TMEM168: variants seen among roughly 807,000 people sequenced by gnomAD.
The protein encoded by TMEM168 is transmembrane protein 168.
In TMEM168, 40 loss-of-function variants were observed where a neutral mutation model predicts 53.2. The observed-to-expected ratio is 0.75, with a 90% CI of 0.58 to 0.98. The LOEUF (loss-of-function observed/expected upper bound fraction) is 0.98, where lower values mean the gene tolerates loss of function less well. Ranked by LOEUF, TMEM168 falls within the 50% of genes least tolerant of loss-of-function variation. The pLI is 0.00. For synonymous variants in TMEM168, 282 were observed against 293.0 expected, an observed-to-expected ratio of 0.96 and a Z score of 0.38; for missense variants, 771 against 828.8, an observed-to-expected ratio of 0.93 and a Z score of 0.86.
chr7:112,769,559 A>T (rs1792877825), intron 4 of TMEM168, among the ~76,000 whole-genome samples: 1 of 152,152 alleles, frequency 6.6e-6, no homozygotes. Context: ...GATATCAACG[A>T]GACCTAAAGC....
chr7:112,785,498 A>G (rs1793354194), intron 1 of TMEM168, among the ~76,000 whole-genome samples: 1 of 152,204 alleles, frequency 6.6e-6, no homozygotes, highest in Admixed American at 6.5e-5. Flanking sequence ...TACTAGAATT[A>G]AAGTATTAAA....
chr7:112,781,960 C>A (rs1793243965), intron 2 of TMEM168, among the ~76,000 whole-genome samples: 1 of 152,140 alleles, frequency 6.6e-6, no homozygotes. Flanking sequence ...ACAGAAGCCA[C>A]AGACTGGGAG....
intron 2 of TMEM168, among the ~76,000 whole-genome samples, chr7:112,782,078 AT>A (rs1251696701): frequency 6.6e-6 from 1 of 152,256 alleles, no homozygotes. Context: ...AGATGTGAAT[AT>A]TTAAACAACA....
At chr7:112,787,895 G>A (rs1055426872) in intron 1 of TMEM168, among the ~76,000 whole-genome samples, 4 of 150,280 alleles carry the variant, frequency 2.7e-5, no homozygotes, top group South Asian at 4.2e-4. Context: ...ACCATGCCCG[G>A]CTAATTTTGT....
intron 2 of TMEM168, among the ~76,000 whole-genome samples, 195 bp downstream of exon 2, chr7:112,783,503 G>T (rs999113655): frequency 4.6e-5 from 7 of 152,296 alleles, no homozygotes; most frequent in African/African-American, 1.4e-4. Context: ...ATAACATTTT[G>T]GTACCTCTTT....
rs77145942 is a variant in TMEM168, at chr7:112,767,316, C to T, written c.1975G>A (p.Gly659Ser). The change falls in exon 5 of 5, where the codon GGT becomes AGT. Residue 659 changes from glycine to serine, a missense_variant. Coordinates refer to ENST00000312814, the MANE Select transcript of TMEM168 (RefSeq NM_022484.6). ...PLVHLANWLC[G>S]LNLFWICKTC... is the part of the protein sequence containing the mutation. ...TTGCAGATCCAAAAAAGGTTCAGAC[C>T]GCATAACCAATTTGCCAAATGCACT... 2,657 of 1,614,040 alleles carry T rather than the reference C, an allele frequency of 1.6e-3. 52 individuals carry two copies. The East Asian group carries it at 0.045, about 27-fold the overall frequency.
chr7:112,767,793 A>T, intron 4 of TMEM168, 49 bp from the exon 5 acceptor site: 5 of 1,498,742 alleles, frequency 3.3e-6, no homozygotes, highest in Non-Finnish European at 4.5e-6. Flanking sequence ...GCAGCCTCTC[A>T]TTAAGAAAAC....
At chr7:112,777,079 A>G in intron 2 of TMEM168, among the ~76,000 whole-genome samples, 1 of 152,136 alleles carries the variant, frequency 6.6e-6, no homozygotes, top group South Asian at 2.1e-4. Flanking sequence ...GGTTCTGAAC[A>G]TAGTTTCAAT....
intron 1 of TMEM168, among the ~76,000 whole-genome samples, chr7:112,789,347 A>G (rs1364301512): frequency 3.3e-5 from 5 of 152,126 alleles, no homozygotes; most frequent in Admixed American, 3.3e-4. Flanking sequence ...TCAATACTGT[A>G]CACCCAGTGA....
intron 1 of TMEM168, among the ~76,000 whole-genome samples, chr7:112,785,910 T>C (rs185377258): frequency 4.6e-4 from 70 of 152,246 alleles, no homozygotes; most frequent in African/African-American, 1.6e-3. Flanking sequence ...CAATCAGATA[T>C]TTAAAAAGAA....
At position 112,767,177 on chromosome 7, in the gene TMEM168, A is replaced by T. The variant is rs1379010418; in HGVS notation, c.*20T>A. On this transcript the variant is annotated 3_prime_UTR_variant, in exon 5 of 5. Transcript: ENST00000312814. ...ATTGGTAGTATGAGTGCTTATTAAT[A>T]TCCCGCTTTGGGGTCCAAATTAAGA... is the stretch of plus-strand genomic sequence containing the variant. 7 of 1,590,170 alleles carry T rather than the reference A, an allele frequency of 4.4e-6. No individual in the cohort carries two copies. The highest frequency in any genetic ancestry group is 6.0e-6 in the Non-Finnish European group (7 of 1,169,750).
chr7:112,762,716 CCA>C lies in TMEM168; in HGVS notation c.*4479_*4480del, dbSNP rs1792693352. 6.6e-6 allele frequency: 1 copy of C among 151,840 alleles called. No homozygotes were observed. The highest frequency in any genetic ancestry group is 1.5e-5 in the Non-Finnish European group (1 of 67,882). The allele number at this position is 151,840 out of a possible 1,614,324, so 9.4% of individuals were successfully genotyped here. ...CAAAGCAAAAAACCTTACGGGTAGC[CCA>C]CAGTTTTCAATTTTCAGTCAACTTT... On this transcript the variant is annotated 3_prime_UTR_variant, in exon 5 of 5. Transcript: ENST00000312814.
chr7:112,771,611 T>C (rs1792931971), intron 4 of TMEM168, among the ~76,000 whole-genome samples: 1 of 152,062 alleles, frequency 6.6e-6, no homozygotes, highest in Non-Finnish European at 1.5e-5. Context: ...AAAAAAATAT[T>C]TCTCCTTATG....
In TMEM168 at chr7:112,772,855, T is replaced by C; in HGVS notation, c.1472A>G (p.Asp491Gly). 6.2e-7 allele frequency: 1 copy of C among 1,614,084 alleles called. No homozygotes were observed. Among genetic ancestry groups the C allele is most frequent in the Non-Finnish European group, 8.5e-7 (1 of 1,179,956 alleles). The change falls in exon 4 of 5, where the codon GAT becomes GGT. Residue 491 changes from aspartate to glycine, a missense_variant. Transcript: ENST00000312814. ...LKAFLELRTV[D>G]GPRHDTYILY... Reference sequence around the variant, plus strand: ...AATATACGTATCATGTCTGGGTCCATCCACTGTCCGAAGTTCGAGGAAAGC... The same window carrying C: ...AATATACGTATCATGTCTGGGTCCACCCACTGTCCGAAGTTCGAGGAAAGC...
Position 112,767,616 on chromosome 7 carries a change from T to A in TMEM168, c.1675A>T (p.Ile559Phe). Residue 559 changes from isoleucine (I) to phenylalanine (F), a missense_variant, in exon 5 of 5, where the codon ATT (isoleucine) becomes TTT (phenylalanine). Coordinates refer to ENST00000312814, the MANE Select transcript of TMEM168 (RefSeq NM_022484.6). Reference sequence around the variant, plus strand: ...TGCACTGCAATATACTGGTCATTAATTTTCCTCACTTCTTTCACCCAAGGG... The same window carrying A: ...TGCACTGCAATATACTGGTCATTAAATTTCCTCACTTCTTTCACCCAAGGG... ...STPWVKEVRK[I>F]NDQYIAVQGA... is the part of the protein sequence containing the mutation. 3.7e-6 allele frequency: 6 copies of A among 1,614,108 alleles called. No individual in the cohort carries two copies. Among genetic ancestry groups the A allele is most frequent in the Non-Finnish European group, 5.1e-6 (6 of 1,180,010 alleles).
At position 112,764,941 on chromosome 7, in the gene TMEM168, C is replaced by G. The variant is rs532500223; in HGVS notation, c.*2256G>C. The stretch of plus-strand genomic sequence containing the variant: ...TCTTGTGCCTTAGCCTCCCAAGTAG[C>G]TGGGATTACAGGCACCTGCCACCAT... On this transcript the variant is annotated 3_prime_UTR_variant, in exon 5 of 5. Coordinates refer to ENST00000312814, the MANE Select transcript of TMEM168 (RefSeq NM_022484.6). 2.0e-5 allele frequency: 3 copies of G among 152,346 alleles called. No homozygotes were observed. The South Asian group carries it at 6.2e-4, about 32-fold the overall frequency. 9.4% of individuals were successfully genotyped at this position (152,346 alleles called of 1,614,324 possible).
At chr7:112,789,677 C>T (rs1340184440) in intron 1 of TMEM168, among the ~76,000 whole-genome samples, 1 of 152,224 alleles carries the variant, frequency 6.6e-6, no homozygotes, top group Non-Finnish European at 1.5e-5. Flanking sequence ...ATCTTTCACT[C>T]AGAAACTCTG....
At chr7:112,779,375 G>A (rs988340586) in intron 2 of TMEM168, among the ~76,000 whole-genome samples, 7 of 152,110 alleles carry the variant, frequency 4.6e-5, no homozygotes, top group Non-Finnish European at 7.4e-5. Flanking sequence ...GTATGTCCAG[G>A]GGAAGCCAAA....
rs1289191748 is a variant in TMEM168 at position 112,784,650 on chromosome 7, G to GT, written c.175dup (p.Thr59AsnfsTer52). 3.7e-6 allele frequency: 6 copies of GT among 1,612,068 alleles called. No homozygotes were observed. The highest frequency in any genetic ancestry group is 4.5e-5 in the East Asian group (2 of 44,858). ...AATTACCAAAATTAAGGAATTTGCT[G>GT]TTTTTTCCCATCTTACGTATAGACC... On this transcript the variant is annotated frameshift_variant, in exon 2 of 5. Coordinates refer to ENST00000312814, the MANE Select transcript of TMEM168 (RefSeq NM_022484.6). LOFTEE classifies it high-confidence loss of function.
Sources: allele counts gnomAD v4.1 joint callset (sites outside exome capture counted in the v4.1 genomes callset), GRCh38; gene constraint gnomAD v4.1.1; transcripts MANE v1.5; gene names NCBI Gene and HGNC (gene_info 2026-07-23, HGNC 2026-07-21).